Variants in FOCAD observed in about 807,000 individuals in gnomAD.
The protein encoded by FOCAD is focadhesin.
In FOCAD, 198 loss-of-function variants were observed where a neutral mutation model predicts 225.6. That is an observed-to-expected ratio of 0.88 (90% CI 0.78 to 0.99). The LOEUF is 0.99. Ranked by LOEUF, FOCAD falls within the 50% of genes least tolerant of loss-of-function variation. FOCAD has a pLI of 0.00. For missense variants in FOCAD, 2,713 were observed against 2,123.6 expected, an observed-to-expected ratio of 1.28 and a Z score of -5.46; for synonymous variants, 897 against 755.0, an observed-to-expected ratio of 1.19 and a Z score of -3.08.
chr9:20,909,851 C>T (rs957442261), intron 22 of FOCAD, among the ~76,000 whole-genome samples: 5 of 152,050 alleles, frequency 3.3e-5, no homozygotes, highest in South Asian at 2.1e-4. Flanking sequence ...TCAAGAATTT[C>T]GGTCCTAGAA....
chr9:20,774,174 A>T (rs1587113314), intron 8 of FOCAD, among the ~76,000 whole-genome samples: 1 of 152,168 alleles, frequency 6.6e-6, no homozygotes, highest in South Asian at 2.1e-4. Context: ...ATTATCTTCC[A>T]TGAAACCAGC....
chr9:20,776,191 G>T (rs768625332), intron 8 of FOCAD, among the ~76,000 whole-genome samples: 4 of 152,190 alleles, frequency 2.6e-5, no homozygotes, highest in Non-Finnish European at 4.4e-5. Flanking sequence ...GAATTAATGG[G>T]AAAGCATTTA....
intron 21 of FOCAD, among the ~76,000 whole-genome samples, chr9:20,903,160 C>G (rs1201438938): frequency 6.6e-6 from 1 of 151,904 alleles, no homozygotes; most frequent in African/African-American, 2.4e-5. Flanking sequence ...ACCTCCATCT[C>G]CTAACAATCT....
At chr9:20,745,192 C>G (rs1298357284) in intron 5 of FOCAD, among the ~76,000 whole-genome samples, 1 of 151,984 alleles carries the variant, frequency 6.6e-6, no homozygotes, top group African/African-American at 2.4e-5. Flanking sequence ...TCACTGCAAC[C>G]TCTGCCTCCC....
At chr9:20,698,943 G>GAA (rs1414882056) in intron 1 of FOCAD, among the ~76,000 whole-genome samples, 5 of 152,116 alleles carry the variant, frequency 3.3e-5, no homozygotes, top group Non-Finnish European at 5.9e-5. Context: ...GCCACACTTT[G>GAA]GGATATAGCC....
intron 1 of FOCAD, among the ~76,000 whole-genome samples, chr9:20,704,480 C>CA (rs1824219307): frequency 2.0e-5 from 3 of 152,236 alleles, no homozygotes; most frequent in African/African-American, 7.2e-5. Flanking sequence ...AACTTGTAAT[C>CA]AGTCTATATA....
chr9:20,876,331 G>T (rs1464493704), intron 19 of FOCAD, among the ~76,000 whole-genome samples: 1 of 152,106 alleles, frequency 6.6e-6, no homozygotes, highest in Non-Finnish European at 1.5e-5. Flanking sequence ...TCTTTAACCT[G>T]AAATAACCTA....
chr9:20,830,446 A>G (rs911410243), intron 15 of FOCAD, among the ~76,000 whole-genome samples: 3 of 152,128 alleles, frequency 2.0e-5, no homozygotes, highest in African/African-American at 7.2e-5. Context: ...GAAAAAAAGT[A>G]GTATCACTTA....
chr9:20,697,332 A>C (rs1823459629), intron 1 of FOCAD, among the ~76,000 whole-genome samples: 1 of 152,150 alleles, frequency 6.6e-6, no homozygotes. Flanking sequence ...TCTTTTTAAA[A>C]TGTCAGTCAT....
intron 35 of FOCAD, among the ~76,000 whole-genome samples, chr9:20,956,695 G>A (rs1341818365): frequency 1.3e-5 from 2 of 152,082 alleles, no homozygotes; most frequent in African/African-American, 4.8e-5. Flanking sequence ...TGGTGTGTTT[G>A]ATTCCTTTTT....
intron 11 of FOCAD, among the ~76,000 whole-genome samples, chr9:20,796,969 A>T (rs1821182561): frequency 6.6e-6 from 1 of 152,132 alleles, no homozygotes; most frequent in African/African-American, 2.4e-5. Flanking sequence ...TAAGTCTTTA[A>T]TCCATCTAGA....
chr9:20,724,380 G>A (rs773834173), intron 4 of FOCAD, among the ~76,000 whole-genome samples: 1 of 151,958 alleles, frequency 6.6e-6, no homozygotes, highest in Non-Finnish European at 1.5e-5. Context: ...TGGCTATTTG[G>A]CCAACATGTG....
rs151261369 is a variant in FOCAD, at chr9:20,736,962, A to G, written c.288-3274A>G. On this transcript the variant is annotated intron_variant, in intron 4 of 43. Transcript: ENST00000338382. Reference sequence around the variant, plus strand: ...ATATTTATTAATATAAATAATATCTATTTCAAGTGGGTTGAGGGGGATAGT... The same window carrying G: ...ATATTTATTAATATAAATAATATCTGTTTCAAGTGGGTTGAGGGGGATAGT... 9.8e-3 allele frequency among the ~76,000 whole-genome samples: 1,494 copies of G among 152,028 alleles called. 16 individuals are homozygous for G. Among genetic ancestry groups the G allele is most frequent in the Non-Finnish European group, 0.016 (1,107 of 67,952 alleles).
chr9:20,874,892 T>C lies in FOCAD; in HGVS notation c.2317+85T>C, dbSNP rs1021523144. The C allele has an allele frequency of 2.6e-6, 4 of 1,523,842 alleles. No individual in the cohort carries two copies. In the African/African-American group the frequency reaches 5.5e-5, roughly 21 times the overall value. The allele number at this position is 1,523,842 out of a possible 1,614,324, so 94.4% of individuals were successfully genotyped here. A position where few individuals can be genotyped will look rare whatever the true frequency, so the allele number is the denominator to read the frequency against. On this transcript the variant is annotated intron_variant, in intron 19 of 43. Coordinates refer to ENST00000338382, the MANE Select transcript of FOCAD (RefSeq NM_001375567.1). ...GTATTCTTTTGTGATAGGTACATAG[T>C]ATAGTTTAACCTTATGTGCTTATTT...
At chr9:20,717,729 A>G in intron 2 of FOCAD, 65 bp from the exon 3 acceptor site, 1 of 1,245,406 alleles carries the variant, frequency 8.0e-7, no homozygotes, top group South Asian at 1.3e-5. Context: ...ACTCATATCA[A>G]CTAGTATTGA....
chr9:20,944,444 C>T (rs564152910), intron 28 of FOCAD, among the ~76,000 whole-genome samples, 183 bp from the exon 29 acceptor site: 1 of 152,196 alleles, frequency 6.6e-6, no homozygotes, highest in African/African-American at 2.4e-5. Flanking sequence ...GTCAGGTTTT[C>T]ATTTTGAGGG....
At chr9:20,957,523 A>G (rs1475695813) in intron 35 of FOCAD, 1 of 103,772 alleles carries the variant, frequency 9.6e-6, no homozygotes, top group Non-Finnish European at 1.8e-5. Context: ...CGCCCAGGCT[A>G]GAGTGCAGTG....
intron 25 of FOCAD, 92 bp from the exon 26 acceptor site, chr9:20,926,209 G>A: frequency 1.3e-6 from 1 of 769,594 alleles, no homozygotes; most frequent in Non-Finnish European, 2.2e-6. Context: ...GCACTTTATT[G>A]TTTAATATAG....
chr9:20,993,403 A>G, intron 43 of FOCAD, 75 bp downstream of exon 43: 2 of 1,256,492 alleles, frequency 1.6e-6, no homozygotes, highest in Non-Finnish European at 1.2e-6. Flanking sequence ...ATGGCATTCT[A>G]GTGGTTGCAG....
Sources: gnomAD v4.1 joint callset for allele counts (sites outside exome capture counted in the v4.1 genomes callset) on GRCh38, gnomAD v4.1.1 for gene constraint, MANE v1.5 for transcripts, NCBI Gene and HGNC (gene_info 2026-07-23, HGNC 2026-07-21) for gene names.